The following ZFP1 variants were observed in gnomAD, a reference collection of about 807,000 sequenced individuals.
ZFP1 encodes the protein zinc finger protein 1 homolog.
A neutral mutation model predicts 38.5 loss-of-function variants in ZFP1; 32 were observed. The observed-to-expected ratio is 0.83, with a 90% CI of 0.63 to 1.12. The LOEUF is 1.12. ZFP1 is among the 50% of genes most tolerant of loss of function. ZFP1 has a pLI of 0.00. For missense variants in ZFP1, 616 were observed against 480.8 expected (o/e 1.28, Z -2.63); for synonymous variants, 245 against 168.8 (o/e 1.45, Z -3.50).
At chr16:75,142,670 A>G in the ZFP1 span, among the ~76,000 whole-genome samples, 1 of 152,166 alleles carries the variant, frequency 6.6e-6, no homozygotes, top group East Asian at 1.9e-4. Flanking sequence ...TCATATTGCA[A>G]TTCTTGCTTC....
intron 2 of ZFP1, among the ~76,000 whole-genome samples, chr16:75,154,215 CT>C (rs1365348057): frequency 1.2e-5 from 1 of 85,164 alleles, no homozygotes. Context: ...CAGAGCGAGA[CT>C]TTGTCTCAAA....
the ZFP1 span, among the ~76,000 whole-genome samples, chr16:75,123,159 G>T: frequency 6.6e-6 from 1 of 151,574 alleles, no homozygotes; most frequent in Non-Finnish European, 1.5e-5. Flanking sequence ...TTTGAGACCA[G>T]CCTGGCCAAC....
intron 1 of ZFP1, 82 bp from the exon 2 acceptor site, chr16:75,152,827 G>A (rs542188028): frequency 6.7e-6 from 9 of 1,336,020 alleles, no homozygotes; most frequent in Non-Finnish European, 9.4e-6. Flanking sequence ...TGGTCTCTAG[G>A]GGTTTCTAAA....
At chr16:75,150,371 G>A (rs1395001490) in intron 1 of ZFP1, among the ~76,000 whole-genome samples, 2 of 88,752 alleles carry the variant, frequency 2.3e-5, no homozygotes, top group Admixed American at 2.7e-4. Context: ...ACTACACCTG[G>A]CTAATTTTTT....
the ZFP1 span, among the ~76,000 whole-genome samples, chr16:75,121,417 A>G: frequency 3.2e-4 from 48 of 152,202 alleles, no homozygotes; most frequent in East Asian, 7.9e-3. Flanking sequence ...GAACCACCAC[A>G]CCCGGCAAAT....
chr16:75,170,389 G>GA lies in ZFP1; in HGVS notation c.*60dup. On this transcript the variant is annotated 3_prime_UTR_variant, in exon 4 of 4. Coordinates refer to ENST00000570010, the MANE Select transcript of ZFP1 (RefSeq NM_153688.4). ...TCCTGCCAGAACTCTTCAAGCGGGT[G>GA]AAAAACCTCATGACAGTATTGAGGG... is the stretch of plus-strand genomic sequence containing the variant. 6.7e-6 allele frequency: 10 copies of GA among 1,502,306 alleles called. No homozygotes were observed. The highest frequency in any genetic ancestry group is 8.9e-6 in the Non-Finnish European group (10 of 1,126,416). The allele number at this position is 1,502,306 out of a possible 1,614,324, so 93.1% of individuals were successfully genotyped here.
intron 2 of ZFP1, among the ~76,000 whole-genome samples, chr16:75,164,659 C>T (rs1241321087): frequency 1.3e-5 from 2 of 151,984 alleles, no homozygotes; most frequent in African/African-American, 4.8e-5. Context: ...GCTCGTTGTC[C>T]AGATGGGCTG....
chr16:75,134,402 G>C, the ZFP1 span, among the ~76,000 whole-genome samples: 2 of 152,180 alleles, frequency 1.3e-5, no homozygotes, highest in African/African-American at 4.8e-5. Flanking sequence ...GAGCCCAGGA[G>C]TTTGTGACCA....
At chr16:75,132,208 C>T in the ZFP1 span, among the ~76,000 whole-genome samples, 13 of 151,944 alleles carry the variant, frequency 8.6e-5, no homozygotes, top group Middle Eastern at 0.017. Flanking sequence ...GGCAACATAG[C>T]GAAACCCCAT....
chr16:75,148,202 A>G (rs772275011), upstream of ZFP1, among the ~76,000 whole-genome samples: 7 of 152,204 alleles, frequency 4.6e-5, no homozygotes, highest in Non-Finnish European at 8.8e-5. Flanking sequence ...TTTTGTACAT[A>G]TATTCTAATT....
rs1597097964 is a variant in ZFP1 at position 75,171,985 on chromosome 16, T to G, written c.*1651T>G. 1 of 152,156 alleles carries G rather than the reference T, an allele frequency of 6.6e-6. No homozygotes were observed. The highest frequency in any genetic ancestry group is 1.9e-4 in the East Asian group (1 of 5,196). 9.4% of individuals were successfully genotyped at this position (152,156 alleles called of 1,614,324 possible). ...AATAAAAAGCGCCAGCACTTAAGATTATATGTTTACTAATGTATATTGTAT... is the reference window on the plus strand; with the variant it reads ...AATAAAAAGCGCCAGCACTTAAGATGATATGTTTACTAATGTATATTGTAT... On this transcript the variant is annotated 3_prime_UTR_variant, in exon 4 of 4. Coordinates refer to ENST00000570010, the MANE Select transcript of ZFP1 (RefSeq NM_153688.4).
intron 2 of ZFP1, among the ~76,000 whole-genome samples, chr16:75,158,026 G>GATCT (rs1455087838): frequency 6.6e-6 from 1 of 151,860 alleles, no homozygotes; most frequent in Non-Finnish European, 1.5e-5. Context: ...AGGCTTACGA[G>GATCT]ATCTGTCTAC....
At chr16:75,158,337 T>TC (rs201474775) in intron 2 of ZFP1, among the ~76,000 whole-genome samples, 191 of 148,980 alleles carry the variant, frequency 1.3e-3, no homozygotes, top group Non-Finnish European at 1.5e-3. Context: ...TCTGTCTATT[T>TC]TTTTTTTTTT....
At chr16:75,127,271 A>AC in the ZFP1 span, among the ~76,000 whole-genome samples, 8 of 151,918 alleles carry the variant, frequency 5.3e-5, no homozygotes, top group African/African-American at 1.2e-4. Context: ...TTGGGCAGGG[A>AC]AAGAGTCTCC....
intron 3 of ZFP1, among the ~76,000 whole-genome samples, chr16:75,168,478 C>T (rs1212634626): frequency 1.3e-5 from 2 of 151,514 alleles, no homozygotes; most frequent in East Asian, 3.9e-4. Flanking sequence ...GACCCTATCT[C>T]TAAATAGGAA....
chr16:75,170,154 AG>A lies in ZFP1; in HGVS notation c.1045del (p.Glu349ArgfsTer93). On this transcript the variant is annotated frameshift_variant, in exon 4 of 4. Coordinates refer to ENST00000570010, the MANE Select transcript of ZFP1 (RefSeq NM_153688.4). LOFTEE classifies it high-confidence loss of function. ...TCATACACATGAGAACTCATACAGGAGAGAAACCCTATGAATGTACTGAGTG... is the reference window on the plus strand; with the variant it reads ...TCATACACATGAGAACTCATACAGGAAGAAACCCTATGAATGTACTGAGTG... ...LIIHMRTHTG[E>X]KPYECTECGK... 1 of 1,614,184 alleles carries A rather than the reference AG, an allele frequency of 6.2e-7. No homozygotes were observed. Among genetic ancestry groups the A allele is most frequent in the Non-Finnish European group, 8.5e-7 (1 of 1,180,024 alleles).
the ZFP1 span, among the ~76,000 whole-genome samples, chr16:75,129,744 G>T: frequency 6.6e-6 from 1 of 152,156 alleles, no homozygotes; most frequent in Non-Finnish European, 1.5e-5. Context: ...ACCTCCTGAG[G>T]CTGTGTCATG....
rs989214989 is a variant in ZFP1 at position 75,170,914 on chromosome 16, A to G, written c.*580A>G. On this transcript the variant is annotated 3_prime_UTR_variant, in exon 4 of 4. Transcript: ENST00000570010. The stretch of plus-strand genomic sequence containing the variant: ...TGCTTGCTGGCATATATCAGTTGGT[A>G]TGAACATTGTTCTTGAGCTGCCTCT... 6.6e-6 allele frequency: 1 copy of G among 152,376 alleles called. No homozygotes were observed. The allele number at this position is 152,376 out of a possible 1,614,324, so 9.4% of individuals were successfully genotyped here.
At chr16:75,119,232 C>T in the ZFP1 span, among the ~76,000 whole-genome samples, 4 of 152,126 alleles carry the variant, frequency 2.6e-5, no homozygotes, top group African/African-American at 4.8e-5. Context: ...TGACTGGAGG[C>T]GCCCCTGACC....
Sources: gnomAD v4.1 joint callset for allele counts (sites outside exome capture counted in the v4.1 genomes callset) on GRCh38, gnomAD v4.1.1 for gene constraint, MANE v1.5 for transcripts, NCBI Gene and HGNC (gene_info 2026-07-23, HGNC 2026-07-21) for gene names.